LIMD1: variants seen among roughly 807,000 people sequenced by gnomAD.
LIMD1 encodes the protein LIM domain containing 1.
In LIMD1, 23 loss-of-function variants were observed where a neutral mutation model predicts 58.4. The observed-to-expected ratio is 0.39, with a 90% CI of 0.28 to 0.56. LIMD1 has a LOEUF of 0.56. Ranked by LOEUF, LIMD1 falls within the 20% of genes least tolerant of loss-of-function variation. LIMD1 has a pLI of 0.57. For synonymous variants in LIMD1, 334 were observed against 345.5 expected (o/e 0.97, Z 0.37); for missense variants, 838 against 855.5 (o/e 0.98, Z 0.25).
At chr3:45,622,152 A>T (rs6764323) in intron 1 of LIMD1, among the ~76,000 whole-genome samples, 152,304 of 152,304 alleles carry the variant, frequency 1, 76,152 homozygotes, top group Non-Finnish European at 1. Flanking sequence ...TTTTAGAAGA[A>T]TTTTATTATC....
At chr3:45,675,527 TC>T (rs943046443) in intron 7 of LIMD1, among the ~76,000 whole-genome samples, 33 of 152,142 alleles carry the variant, frequency 2.2e-4, no homozygotes, top group African/African-American at 7.0e-4. Context: ...AGACTCCGTC[TC>T]AAAAAAAGAA....
At chr3:45,673,634 C>T (rs1391717408) in intron 6 of LIMD1, 129 bp downstream of exon 6, 14 of 853,044 alleles carry the variant, frequency 1.6e-5, no homozygotes, top group Admixed American at 7.1e-5. Flanking sequence ...CAACTCTGGC[C>T]TGGTGCAGTG....
intron 2 of LIMD1, among the ~76,000 whole-genome samples, chr3:45,653,918 A>G (rs1442007961): frequency 1.4e-5 from 2 of 145,812 alleles, no homozygotes; most frequent in Non-Finnish European, 1.5e-5. Context: ...AAAAAAAAAA[A>G]AAAAAAAAGA....
chr3:45,617,134 A>C (rs1364173068), intron 1 of LIMD1, among the ~76,000 whole-genome samples: 3 of 151,318 alleles, frequency 2.0e-5, no homozygotes, highest in Non-Finnish European at 4.4e-5. Context: ...CTCAGGTTCA[A>C]GCAGTTCTCC....
chr3:45,663,204 A>G (rs1389684708), intron 2 of LIMD1, among the ~76,000 whole-genome samples: 1 of 152,180 alleles, frequency 6.6e-6, no homozygotes, highest in Non-Finnish European at 1.5e-5. Context: ...CTATTTATCA[A>G]TTCTCATATC....
Position 45,684,666 on chromosome 3 carries a change from C to G in LIMD1, c.*7607C>G, listed in dbSNP as rs113766401. The G allele has an allele frequency of 3.3e-4, 50 of 152,282 alleles. No individual in the cohort carries two copies. The highest frequency in any genetic ancestry group is 1.2e-3 in the African/African-American group (48 of 41,558). The allele number at this position is 152,282 out of a possible 1,614,324, so 9.4% of individuals were successfully genotyped here. A position where few individuals can be genotyped will look rare whatever the true frequency, so the allele number is the denominator to read the frequency against. ...CATAGAGCCCAAGGGATTGGTTTGA[C>G]CAGGTGTGCCATTTACATAGCCCTC... On this transcript the variant is annotated 3_prime_UTR_variant, in exon 8 of 8. Coordinates refer to ENST00000273317, the MANE Select transcript of LIMD1 (RefSeq NM_014240.3).
At chr3:45,624,596 G>A (rs1399081877) in intron 1 of LIMD1, among the ~76,000 whole-genome samples, 4 of 152,252 alleles carry the variant, frequency 2.6e-5, no homozygotes, top group South Asian at 2.1e-4. Flanking sequence ...GGTGGCGGGC[G>A]CCTGTAGTCC....
chr3:45,644,976 T>G (rs535084257), intron 2 of LIMD1, among the ~76,000 whole-genome samples: 2 of 152,238 alleles, frequency 1.3e-5, no homozygotes, highest in Non-Finnish European at 2.9e-5. Flanking sequence ...AGCTGTCGAA[T>G]TGTCCGAATA....
intron 1 of LIMD1, among the ~76,000 whole-genome samples, chr3:45,609,699 C>A (rs1701505094): frequency 6.6e-6 from 1 of 152,240 alleles, no homozygotes; most frequent in African/African-American, 2.4e-5. Flanking sequence ...CTCATTCATT[C>A]AGCAGCTATT....
At chr3:45,656,456 GAA>G (rs11348607) in intron 2 of LIMD1, among the ~76,000 whole-genome samples, 43 of 110,102 alleles carry the variant, frequency 3.9e-4, no homozygotes, top group African/African-American at 1.1e-3. Flanking sequence ...TTCTCCATCA[GAA>G]AAAAAAAAAA....
At chr3:45,669,880 T>A (rs1053235913) in intron 4 of LIMD1, among the ~76,000 whole-genome samples, 2 of 152,220 alleles carry the variant, frequency 1.3e-5, no homozygotes, top group African/African-American at 4.8e-5. Context: ...GTGAATACTC[T>A]TGAACATGTC....
chr3:45,656,571 G>A (rs553854832), intron 2 of LIMD1, among the ~76,000 whole-genome samples: 116 of 151,324 alleles, frequency 7.7e-4, no homozygotes, highest in Non-Finnish European at 1.5e-3. Flanking sequence ...AGGCTGGAGT[G>A]CAGTGGTGCA....
chr3:45,666,445 AG>A (rs1386920710), intron 3 of LIMD1, among the ~76,000 whole-genome samples: 1 of 152,158 alleles, frequency 6.6e-6, no homozygotes, highest in Non-Finnish European at 1.5e-5. Context: ...CAGCATGTGC[AG>A]GGTACAAAGC....
At chr3:45,644,283 A>G (rs1701878299) in intron 2 of LIMD1, among the ~76,000 whole-genome samples, 1 of 152,214 alleles carries the variant, frequency 6.6e-6, no homozygotes, top group Admixed American at 6.5e-5. Flanking sequence ...TTTTCTTACA[A>G]AGTCTAAATA....
intron 1 of LIMD1, among the ~76,000 whole-genome samples, chr3:45,619,098 A>G (rs1450024279): frequency 1.3e-5 from 2 of 152,188 alleles, no homozygotes; most frequent in Non-Finnish European, 2.9e-5. Context: ...GAAATCATAA[A>G]ATGTTTTTGT....
chr3:45,640,248 C>G (rs1701827723), intron 2 of LIMD1, among the ~76,000 whole-genome samples: 1 of 152,136 alleles, frequency 6.6e-6, no homozygotes, highest in Non-Finnish European at 1.5e-5. Flanking sequence ...ACTTCCATGC[C>G]TCTGATCACA....
intron 6 of LIMD1, 60 bp downstream of exon 6, chr3:45,673,565 C>A: frequency 7.6e-7 from 1 of 1,307,978 alleles, no homozygotes; most frequent in Non-Finnish European, 1.1e-6. Flanking sequence ...TCTCCCTGGG[C>A]TCATTTACAA....
intron 1 of LIMD1, among the ~76,000 whole-genome samples, chr3:45,634,369 C>A (rs1437668944): frequency 6.6e-6 from 1 of 152,164 alleles, no homozygotes; most frequent in Non-Finnish European, 1.5e-5. Context: ...TGGATGGGCC[C>A]GGAGCCTGGG....
At chr3:45,610,398 C>T (rs1209919738) in intron 1 of LIMD1, among the ~76,000 whole-genome samples, 1 of 152,142 alleles carries the variant, frequency 6.6e-6, no homozygotes, top group Non-Finnish European at 1.5e-5. Context: ...TGAGCGCTCT[C>T]ATGTGGGTAG....
Sources: allele counts gnomAD v4.1 joint callset (sites outside exome capture counted in the v4.1 genomes callset), GRCh38; gene constraint gnomAD v4.1.1; transcripts MANE v1.5; gene names NCBI Gene and HGNC (gene_info 2026-07-23, HGNC 2026-07-21).